The following TRAPPC9 variants were observed in gnomAD, a reference collection of about 807,000 sequenced individuals.
The protein encoded by TRAPPC9 is trafficking protein particle complex subunit 9.
TRAPPC9 carries 83 observed loss-of-function variants against 124.0 expected under a neutral mutation model. The ratio of observed to expected loss-of-function variants is 0.67; its 90% confidence interval spans 0.56 to 0.80. The LOEUF (loss-of-function observed/expected upper bound fraction) is 0.80, where lower values mean the gene tolerates loss of function less well. Among genes scored for constraint, TRAPPC9 ranks in the 30% least tolerant of loss-of-function variants. The pLI, the probability that TRAPPC9 is intolerant of heterozygous loss-of-function variation, is 0.00. For synonymous variants in TRAPPC9, 638 were observed against 617.5 expected, an observed-to-expected ratio of 1.03 and a Z score of -0.49; for missense variants, 1,302 against 1,508.3, an observed-to-expected ratio of 0.86 and a Z score of 2.27.
intron 9 of TRAPPC9, among the ~76,000 whole-genome samples, chr8:140,317,180 G>C (rs1293797863): frequency 6.6e-6 from 1 of 151,712 alleles, no homozygotes; most frequent in African/African-American, 2.4e-5. Flanking sequence ...TTAATCTTTT[G>C]TATGGTTTTT....
chr8:140,298,548 A>G, intron 11 of TRAPPC9, among the ~76,000 whole-genome samples: 1 of 152,114 alleles, frequency 6.6e-6, no homozygotes, highest in African/African-American at 2.4e-5. Context: ...CCCACTCGGG[A>G]GGCTGAGGCA....
At chr8:140,007,815 C>A (rs548574738) in intron 18 of TRAPPC9, among the ~76,000 whole-genome samples, 115 of 152,124 alleles carry the variant, frequency 7.6e-4, no homozygotes, top group African/African-American at 2.6e-3. Flanking sequence ...ATATACCAAT[C>A]TAAAATAAAA....
At chr8:140,013,078 G>A (rs750312272) in intron 18 of TRAPPC9, among the ~76,000 whole-genome samples, 7 of 152,174 alleles carry the variant, frequency 4.6e-5, no homozygotes, top group Non-Finnish European at 1.0e-4. Flanking sequence ...CAGGAAGAAC[G>A]CTAACAGCCT....
Position 140,053,767 on chromosome 8 carries a change from A to G in TRAPPC9, c.2557-29688T>C, listed in dbSNP as rs114291143. On this transcript the variant is annotated intron_variant, in intron 17 of 22. Transcript: ENST00000438773. ...GTGCGTACATACTGATAACCGTTAC[A>G]TCTTCCTGTTGAATCAACCATTTTA... Among the ~76,000 whole-genome samples, 1,446 of 152,276 alleles carry G rather than the reference A, an allele frequency of 9.5e-3. 17 individuals are homozygous for G. The highest frequency in any genetic ancestry group is 0.033 in the African/African-American group (1,389 of 41,552).
chr8:139,865,062 T>G (rs1002061879), intron 21 of TRAPPC9, among the ~76,000 whole-genome samples: 1 of 152,178 alleles, frequency 6.6e-6, no homozygotes, highest in Non-Finnish European at 1.5e-5. Context: ...GCGGTCTACA[T>G]TCTCTTGATT....
At chr8:140,014,779 C>T (rs1587495727) in intron 18 of TRAPPC9, among the ~76,000 whole-genome samples, 1 of 152,110 alleles carries the variant, frequency 6.6e-6, no homozygotes, top group Non-Finnish European at 1.5e-5. Context: ...CACGAACGCA[C>T]AGGACAAGGT....
intron 17 of TRAPPC9, among the ~76,000 whole-genome samples, chr8:140,059,421 A>C (rs947058775): frequency 2.0e-5 from 3 of 152,262 alleles, no homozygotes; most frequent in African/African-American, 7.2e-5. Context: ...ATCAAAGTAC[A>C]AGTCTTGTAC....
intron 17 of TRAPPC9, among the ~76,000 whole-genome samples, chr8:140,080,531 C>T (rs1261002934): frequency 6.6e-6 from 1 of 152,212 alleles, no homozygotes; most frequent in Non-Finnish European, 1.5e-5. Flanking sequence ...TGCAAAGAGA[C>T]GTGCATAAGG....
chr8:139,800,808 C>A (rs936289950), intron 21 of TRAPPC9, among the ~76,000 whole-genome samples: 1 of 142,408 alleles, frequency 7.0e-6, no homozygotes, highest in South Asian at 2.3e-4. Context: ...GTATCTTTAC[C>A]TTCCCTCCCT....
At chr8:139,968,931 A>G in intron 19 of TRAPPC9, among the ~76,000 whole-genome samples, 1 of 152,182 alleles carries the variant, frequency 6.6e-6, no homozygotes, top group East Asian at 1.9e-4. Flanking sequence ...AATTTGTCAC[A>G]TGGAGAGACC....
chr8:139,760,838 T>A (rs1343419759), intron 21 of TRAPPC9, among the ~76,000 whole-genome samples: 1 of 152,136 alleles, frequency 6.6e-6, no homozygotes, highest in Admixed American at 6.5e-5. Flanking sequence ...GGGAAAGACC[T>A]TACCCCATAA....
At chr8:140,279,472 T>C (rs1373153517) in intron 14 of TRAPPC9, among the ~76,000 whole-genome samples, 1 of 152,174 alleles carries the variant, frequency 6.6e-6, no homozygotes, top group African/African-American at 2.4e-5. Flanking sequence ...TAGAAAAATA[T>C]ATACATTATA....
In TRAPPC9 at chr8:139,730,071, C is replaced by T. The variant is rs760181755; in HGVS notation, c.*990G>A. Among the ~76,000 whole-genome samples, 3 of 152,170 alleles carry T rather than the reference C, an allele frequency of 2.0e-5. No individual in the cohort carries two copies. The highest frequency in any genetic ancestry group is 2.9e-5 in the Non-Finnish European group (2 of 68,022). ...TCTCTCTCCGGTCCTCCCTGAGGAACGCAGGGCCAGCTGCCCACTGTGGCG... is the reference window on the plus strand; with the variant it reads ...TCTCTCTCCGGTCCTCCCTGAGGAATGCAGGGCCAGCTGCCCACTGTGGCG... On this transcript the variant is annotated 3_prime_UTR_variant, in exon 23 of 23. Coordinates refer to ENST00000438773, the MANE Select transcript of TRAPPC9 (RefSeq NM_001160372.4).
intron 17 of TRAPPC9, among the ~76,000 whole-genome samples, chr8:140,183,859 AAAAAAGAAG>A (rs200514130): frequency 0.16 from 8,464 of 52,534 alleles, 980 homozygotes; most frequent in East Asian, 0.56. Context: ...TGTCAAAAAA[AAAAAAGAAG>A]AAGAAGAAGA....
At chr8:139,927,159 A>G (rs1832865793) in intron 19 of TRAPPC9, among the ~76,000 whole-genome samples, 3 of 152,230 alleles carry the variant, frequency 2.0e-5, no homozygotes, top group Admixed American at 6.5e-5. Flanking sequence ...GACTGACCAC[A>G]TCAAGCATTG....
Position 140,266,732 on chromosome 8 carries a change from T to C in TRAPPC9, c.2278+8926A>G, listed in dbSNP as rs547938141. On this transcript the variant is annotated intron_variant, in intron 15 of 22. Coordinates refer to ENST00000438773, the MANE Select transcript of TRAPPC9 (RefSeq NM_001160372.4). ...AACATTAGCCGGGCGTGGTGGTGGG[T>C]GCCTGTAGTCCCAGCTACTCGGGAG... 8.5e-3 allele frequency among the ~76,000 whole-genome samples: 1,274 copies of C among 149,318 alleles called. 15 individuals are homozygous for C. Among genetic ancestry groups the C allele is most frequent in the African/African-American group, 0.03 (1,187 of 39,374 alleles).
intron 17 of TRAPPC9, among the ~76,000 whole-genome samples, chr8:140,117,609 T>C (rs1358831274): frequency 6.6e-6 from 1 of 152,162 alleles, no homozygotes; most frequent in East Asian, 1.9e-4. Context: ...CTCTTAAAGG[T>C]CCCATCTCTT....
intron 2 of TRAPPC9, among the ~76,000 whole-genome samples, chr8:140,443,241 C>T (rs2071103364): frequency 6.7e-6 from 1 of 150,002 alleles, no homozygotes; most frequent in Non-Finnish European, 1.5e-5. Context: ...CGAGACCATC[C>T]TGGCTAACAT....
At chr8:140,136,803 T>G (rs746661949) in intron 17 of TRAPPC9, among the ~76,000 whole-genome samples, 8 of 151,936 alleles carry the variant, frequency 5.3e-5, no homozygotes, top group Non-Finnish European at 8.8e-5. Context: ...CAGTGGGAGA[T>G]CCAGGCTGTG....
Sources: allele counts gnomAD v4.1 joint callset (sites outside exome capture counted in the v4.1 genomes callset), GRCh38; gene constraint gnomAD v4.1.1; transcripts MANE v1.5; gene names NCBI Gene and HGNC (gene_info 2026-07-23, HGNC 2026-07-21).